The following FGF1 variants were observed in gnomAD, a reference collection of about 807,000 sequenced individuals.
The protein encoded by FGF1 is fibroblast growth factor 1.
In FGF1, 9 loss-of-function variants were observed where a neutral mutation model predicts 13.4. The observed-to-expected ratio is 0.67, with a 90% CI of 0.40 to 1.17. The LOEUF (loss-of-function observed/expected upper bound fraction) is 1.17, where lower values mean the gene tolerates loss of function less well. Among genes scored for constraint, FGF1 ranks in the 50% most tolerant of loss-of-function variants. FGF1 has a pLI of 0.01. For missense variants in FGF1, 156 were observed against 192.7 expected, an observed-to-expected ratio of 0.81 and a Z score of 1.13; for synonymous variants, 93 against 79.0, an observed-to-expected ratio of 1.18 and a Z score of -0.94.
rs913280421 is a variant in FGF1 at position 142,672,233 on chromosome 5, T to A, written c.-35+13724A>T. On this transcript the variant is annotated intron_variant, in intron 1 of 3. Coordinates refer to ENST00000337706, the MANE Select transcript of FGF1 (RefSeq NM_000800.5). ...ACAGTGATTACCACTGGATGATGAATAAATTTTAATCTTAAAATTCCTGAA... is the reference window on the plus strand; with the variant it reads ...ACAGTGATTACCACTGGATGATGAAAAAATTTTAATCTTAAAATTCCTGAA... 2.6e-5 allele frequency among the ~76,000 whole-genome samples: 4 copies of A among 152,324 alleles called. No homozygotes were observed. The South Asian group carries it at 6.2e-4, about 24-fold the overall frequency.
Position 142,595,407 on chromosome 5 carries a change from A to G in FGF1, c.351T>C (p.His117=). ...NHYNTYISKK[H]AEKNWFVGLK... is the part of the protein sequence containing the mutation. ...GGCCAACAAACCAATTCTTCTCTGCATGCTTCTTGGATATATAGGTGTTGT... is the reference window on the plus strand; with the variant it reads ...GGCCAACAAACCAATTCTTCTCTGCGTGCTTCTTGGATATATAGGTGTTGT... Residue 117 remains histidine (H), a synonymous_variant, in exon 4 of 4, where the codon CAT becomes CAC. Coordinates refer to ENST00000337706, the MANE Select transcript of FGF1 (RefSeq NM_000800.5). 1 of 1,614,056 alleles carries G rather than the reference A, an allele frequency of 6.2e-7. No homozygotes were observed. Among genetic ancestry groups the G allele is most frequent in the Non-Finnish European group, 8.5e-7 (1 of 1,179,944 alleles).
chr5:142,617,216 T>C (rs1326347233), intron 1 of FGF1, among the ~76,000 whole-genome samples: 1 of 152,080 alleles, frequency 6.6e-6, no homozygotes, highest in Non-Finnish European at 1.5e-5. Flanking sequence ...AATACAAAAA[T>C]TAGCCAGGTC....
chr5:142,597,282 A>G (rs1306390310), intron 3 of FGF1, among the ~76,000 whole-genome samples: 1 of 152,236 alleles, frequency 6.6e-6, no homozygotes, highest in African/African-American at 2.4e-5. Flanking sequence ...GAGTAAGTGT[A>G]CAACTGTATT....
intron 1 of FGF1, among the ~76,000 whole-genome samples, chr5:142,663,708 A>G (rs1305178674): frequency 1.3e-5 from 2 of 152,198 alleles, no homozygotes; most frequent in African/African-American, 4.8e-5. Context: ...TTCCACACAG[A>G]CAACCTCTTC....
In FGF1 at chr5:142,604,081, G is replaced by GTAGAT. The variant is rs1757139470; in HGVS notation, c.170-3281_170-3277dup. Among the ~76,000 whole-genome samples the GTAGAT allele has an allele frequency of 2.0e-5, 3 of 152,184 alleles. No individual in the cohort carries two copies. In the South Asian group the frequency reaches 6.2e-4, roughly 32 times the overall value. On this transcript the variant is annotated intron_variant, in intron 2 of 3. Coordinates refer to ENST00000337706, the MANE Select transcript of FGF1 (RefSeq NM_000800.5). ...ATAGGCAAATCCATAAAGACAGCAAGTAGATTCAGGGTATCCAGGGCCAGG... is the reference window on the plus strand; with the variant it reads ...ATAGGCAAATCCATAAAGACAGCAAGTAGATTAGATTCAGGGTATCCAGGGCCAGG...
chr5:142,602,176 C>G (rs981306466), intron 2 of FGF1, among the ~76,000 whole-genome samples: 1 of 145,046 alleles, frequency 6.9e-6, no homozygotes, highest in Admixed American at 6.9e-5. Flanking sequence ...GTGTTCTTTT[C>G]TTTTTTTTTT....
intron 2 of FGF1, among the ~76,000 whole-genome samples, chr5:142,609,965 C>T (rs1758693635): frequency 6.6e-6 from 1 of 152,156 alleles, no homozygotes; most frequent in Admixed American, 6.5e-5. Context: ...TTTATTGAAT[C>T]AGTTTGTGGG....
chr5:142,676,844 C>A (rs1772707950), intron 1 of FGF1, among the ~76,000 whole-genome samples: 1 of 152,148 alleles, frequency 6.6e-6, no homozygotes. Flanking sequence ...TTGAAAGAAA[C>A]CATTCTGAAG....
chr5:142,621,596 A>T (rs1761638775), intron 1 of FGF1, among the ~76,000 whole-genome samples: 1 of 152,182 alleles, frequency 6.6e-6, no homozygotes, highest in Non-Finnish European at 1.5e-5. Context: ...AACAGCAGAC[A>T]GCATTTCCTT....
intron 1 of FGF1, among the ~76,000 whole-genome samples, chr5:142,668,157 C>A (rs1273487805): frequency 2.0e-5 from 3 of 152,244 alleles, no homozygotes; most frequent in East Asian, 3.8e-4. Context: ...CAGGCAGAGG[C>A]CATGGTAGCT....
At chr5:142,662,360 AT>A (rs2152002687) in intron 1 of FGF1, among the ~76,000 whole-genome samples, 1 of 152,334 alleles carries the variant, frequency 6.6e-6, no homozygotes, top group Non-Finnish European at 1.5e-5. Flanking sequence ...GCAAATGTGA[AT>A]TCAACTTTCT....
intron 1 of FGF1, among the ~76,000 whole-genome samples, chr5:142,685,020 GCCCTTGGGCCT>G (rs1266008203): frequency 2.6e-5 from 4 of 152,188 alleles, no homozygotes; most frequent in African/African-American, 9.6e-5. Context: ...GGCAGAGTGA[GCCCTTGGGCCT>G]CCCTTGGGTC....
intron 1 of FGF1, among the ~76,000 whole-genome samples, chr5:142,626,289 C>T (rs1379749098): frequency 6.6e-6 from 1 of 152,234 alleles, no homozygotes; most frequent in Non-Finnish European, 1.5e-5. Flanking sequence ...CTGTCCTCGA[C>T]TGAACTCAAG....
At chr5:142,596,568 C>T (rs1418435419) in intron 3 of FGF1, among the ~76,000 whole-genome samples, 1 of 148,606 alleles carries the variant, frequency 6.7e-6, no homozygotes, top group Non-Finnish European at 1.5e-5. Flanking sequence ...CATAGCAAGA[C>T]CCATTCTCTA....
chr5:142,615,687 A>G (rs1340851204), intron 1 of FGF1, among the ~76,000 whole-genome samples: 1 of 152,200 alleles, frequency 6.6e-6, no homozygotes, highest in African/African-American at 2.4e-5. Context: ...CACTAATATT[A>G]TCATCATTTT....
chr5:142,692,823 A>AAAACAAAC (rs59345808), intron 2 of FGF1, among the ~76,000 whole-genome samples: 7,497 of 151,188 alleles, frequency 0.05, 231 homozygotes, highest in Non-Finnish European at 0.066. Flanking sequence ...CTATTTGGCA[A>AAAACAAAC]AAACAAACAA....
At chr5:142,636,319 C>G (rs1764245963) in intron 1 of FGF1, among the ~76,000 whole-genome samples, 1 of 152,202 alleles carries the variant, frequency 6.6e-6, no homozygotes, top group Non-Finnish European at 1.5e-5. Flanking sequence ...CACACAAGCC[C>G]ATAATATGAT....
At chr5:142,686,591 T>C (rs1346421570), upstream of FGF1, 2 of 152,400 alleles carry the variant, frequency 1.3e-5, no homozygotes, top group African/African-American at 2.4e-5. Context: ...GTCAGAAGGC[T>C]GCTGGATGAA....
intron 1 of FGF1, among the ~76,000 whole-genome samples, chr5:142,647,032 C>A (rs1460384050): frequency 6.6e-6 from 1 of 152,120 alleles, no homozygotes; most frequent in Non-Finnish European, 1.5e-5. Context: ...TTCCAGGGCC[C>A]CAGTATAATG....
Sources: gnomAD v4.1 joint callset for allele counts (sites outside exome capture counted in the v4.1 genomes callset) on GRCh38, gnomAD v4.1.1 for gene constraint, MANE v1.5 for transcripts, NCBI Gene and HGNC (gene_info 2026-07-23, HGNC 2026-07-21) for gene names.